Variants in LHFPL2 observed in about 807,000 individuals in gnomAD.
The protein encoded by LHFPL2 is LHFPL tetraspan subfamily member 2, also known as LHFPL tetraspan subfamily member 2 protein.
Under a neutral mutation model 17.5 loss-of-function variants are expected in LHFPL2, and 7 were observed. The ratio of observed to expected loss-of-function variants is 0.40; its 90% CI spans 0.23 to 0.75. LHFPL2 has a LOEUF of 0.75. Ranked by LOEUF, LHFPL2 falls within the 30% of genes least tolerant of loss-of-function variation. The pLI is 0.37. For synonymous variants in LHFPL2, 134 were observed against 116.2 expected (o/e 1.15, Z -0.99); for missense variants, 241 against 294.8 (o/e 0.82, Z 1.34).
intron 2 of LHFPL2, among the ~76,000 whole-genome samples, chr5:78,624,132 A>C (rs1744953302): frequency 6.6e-6 from 1 of 152,232 alleles, no homozygotes; most frequent in Admixed American, 6.5e-5. Context: ...AGAGCCTGCC[A>C]GCTTTAGATC....
intron 3 of LHFPL2, among the ~76,000 whole-genome samples, chr5:78,519,872 C>G (rs142927215): frequency 2.0e-5 from 3 of 152,220 alleles, no homozygotes; most frequent in African/African-American, 7.2e-5. Flanking sequence ...AGGTAATTAG[C>G]CTTTCCTTCA....
intron 3 of LHFPL2, among the ~76,000 whole-genome samples, chr5:78,547,530 T>C (rs1580796532): frequency 6.6e-6 from 1 of 152,208 alleles, no homozygotes; most frequent in African/African-American, 2.4e-5. Flanking sequence ...CCAAGGTCAA[T>C]CCAATCTATC....
At chr5:78,551,185 C>G (rs564393601) in intron 3 of LHFPL2, among the ~76,000 whole-genome samples, 1 of 152,060 alleles carries the variant, frequency 6.6e-6, no homozygotes, top group African/African-American at 2.4e-5. Context: ...TCTAGAGGAA[C>G]GGGGAATTCC....
Position 78,488,617 on chromosome 5 carries a change from C to T in LHFPL2, c.*280G>A, listed in dbSNP as rs1754330378. ...CCTAATGATTTAGATTATTATCCTT[C>T]ATTGAACCTGGGGGAGATGGAGTCT... On this transcript the variant is annotated 3_prime_UTR_variant, in exon 5 of 5. Transcript: ENST00000380345. The T allele has an allele frequency of 2.3e-6, 1 of 426,212 alleles. No individual in the cohort carries two copies. The highest frequency in any genetic ancestry group is 4.3e-6 in the Non-Finnish European group (1 of 230,686). 26.4% of individuals were successfully genotyped at this position (426,212 alleles called of 1,614,324 possible). A position where few individuals can be genotyped will look rare whatever the true frequency, so the allele number is the denominator to read the frequency against.
In LHFPL2 at chr5:78,613,453, T is replaced by G. The variant is rs144692559; in HGVS notation, c.-245+18811A>C. ...AGAGTGCATTATTAACACAAGTCAC[T>G]TTGCATCATTTACACAAGTCACTTA... On this transcript the variant is annotated intron_variant, in intron 2 of 4. Coordinates refer to ENST00000380345, the MANE Select transcript of LHFPL2 (RefSeq NM_005779.3). Among the ~76,000 whole-genome samples, 40 of 152,304 alleles carry G rather than the reference T, an allele frequency of 2.6e-4. No homozygotes were observed. The East Asian group carries it at 7.7e-3, about 29-fold the overall frequency.
chr5:78,486,384 C>CTAT lies in LHFPL2; in HGVS notation c.*2510_*2512dup, dbSNP rs1200976662. On this transcript the variant is annotated 3_prime_UTR_variant, in exon 5 of 5. Coordinates refer to ENST00000380345, the MANE Select transcript of LHFPL2 (RefSeq NM_005779.3). ...GACTTTCCTGGTAGTAATAATGGTC[C>CTAT]TATTTATTAGAAAAATAAGTGTGAG... 6.6e-6 allele frequency: 1 copy of CTAT among 152,096 alleles called. No homozygotes were observed. Among genetic ancestry groups the CTAT allele is most frequent in the African/African-American group, 2.4e-5 (1 of 41,426 alleles). 9.4% of individuals were successfully genotyped at this position (152,096 alleles called of 1,614,324 possible).
At chr5:78,576,700 T>C (rs1360294402) in intron 2 of LHFPL2, among the ~76,000 whole-genome samples, 1 of 152,254 alleles carries the variant, frequency 6.6e-6, no homozygotes, top group Non-Finnish European at 1.5e-5. Flanking sequence ...TTCAATTCTT[T>C]GTCATTCTAG....
At chr5:78,578,439 G>C (rs1053803979) in intron 2 of LHFPL2, among the ~76,000 whole-genome samples, 7 of 152,254 alleles carry the variant, frequency 4.6e-5, no homozygotes, top group Non-Finnish European at 1.0e-4. Context: ...GGGAGTTTTG[G>C]AATTGGGAAA....
At chr5:78,629,161 A>T (rs889724573) in intron 2 of LHFPL2, among the ~76,000 whole-genome samples, 9 of 152,232 alleles carry the variant, frequency 5.9e-5, no homozygotes, top group African/African-American at 1.9e-4. Flanking sequence ...CTTCCTTCTT[A>T]AAAAGGCCCA....
intron 4 of LHFPL2, among the ~76,000 whole-genome samples, chr5:78,501,768 T>A (rs1231927687): frequency 6.6e-6 from 1 of 152,184 alleles, no homozygotes; most frequent in African/African-American, 2.4e-5. Context: ...TAAACCAGGC[T>A]TAACGTCGAC....
At chr5:78,517,177 C>T (rs372922028) in intron 3 of LHFPL2, among the ~76,000 whole-genome samples, 48 of 152,334 alleles carry the variant, frequency 3.2e-4, no homozygotes, top group African/African-American at 1.1e-3. Context: ...TTCTTTTCCC[C>T]TTGAAACTGT....
intron 4 of LHFPL2, among the ~76,000 whole-genome samples, chr5:78,497,355 C>A (rs893066904): frequency 2.4e-4 from 36 of 152,322 alleles, no homozygotes; most frequent in Non-Finnish European, 2.2e-4. Context: ...TCTCACTATT[C>A]CAGCATACCC....
chr5:78,620,253 C>T (rs1255598038), intron 2 of LHFPL2, among the ~76,000 whole-genome samples: 1 of 150,810 alleles, frequency 6.6e-6, no homozygotes, highest in Non-Finnish European at 1.5e-5. Context: ...TCTCTGATGG[C>T]CAGTGATGGT....
chr5:78,641,551 C>T (rs1265165475), intron 1 of LHFPL2, among the ~76,000 whole-genome samples: 1 of 152,072 alleles, frequency 6.6e-6, no homozygotes, highest in Non-Finnish European at 1.5e-5. Context: ...AGTTCACCCC[C>T]AAGTAAATAC....
At chr5:78,583,533 C>T (rs1050031218) in intron 2 of LHFPL2, among the ~76,000 whole-genome samples, 1 of 150,632 alleles carries the variant, frequency 6.6e-6, no homozygotes, top group Non-Finnish European at 1.5e-5. Flanking sequence ...ATTTCTCCTT[C>T]ACTTATGAAG....
At position 78,584,993 on chromosome 5, in the gene LHFPL2, G is replaced by GTTTTTTTTTTT. The variant is rs1561352310; in HGVS notation, c.-244-20123_-244-20122insAAAAAAAAAAA. Among the ~76,000 whole-genome samples, 12 of 84,774 alleles carry GTTTTTTTTTTT rather than the reference G, an allele frequency of 1.4e-4. 2 individuals are homozygous for GTTTTTTTTTTT. Among genetic ancestry groups the GTTTTTTTTTTT allele is most frequent in the African/African-American group, 5.0e-4 (10 of 20,192 alleles). 55.6% of individuals were successfully genotyped at this position (84,774 alleles called of 152,430 possible). On this transcript the variant is annotated intron_variant, in intron 2 of 4. Coordinates refer to ENST00000380345, the MANE Select transcript of LHFPL2 (RefSeq NM_005779.3). ...GCGGGATATAATCTCCTGGTGCGCT[G>GTTTTTTTTTTT]TGTTTTTTTTTTTTTTTTTTTTTTT...
chr5:78,599,919 G>A (rs1743953423), intron 2 of LHFPL2, among the ~76,000 whole-genome samples: 2 of 152,088 alleles, frequency 1.3e-5, no homozygotes, highest in South Asian at 4.1e-4. Context: ...AATTTTTGAA[G>A]TGACGATTCA....
intron 1 of LHFPL2, among the ~76,000 whole-genome samples, chr5:78,647,822 G>A (rs1438520087): frequency 6.6e-6 from 1 of 151,578 alleles, no homozygotes; most frequent in Non-Finnish European, 1.5e-5. Context: ...CTGAATGGAA[G>A]GGAAAAGAAA....
chr5:78,525,779 T>C (rs1264555738), intron 3 of LHFPL2, among the ~76,000 whole-genome samples: 1 of 152,136 alleles, frequency 6.6e-6, no homozygotes, highest in East Asian at 1.9e-4. Flanking sequence ...CATGCTGCGT[T>C]TGGGAATAGG....
Sources: allele counts gnomAD v4.1 joint callset (sites outside exome capture counted in the v4.1 genomes callset), GRCh38; gene constraint gnomAD v4.1.1; transcripts MANE v1.5; gene names NCBI Gene and HGNC (gene_info 2026-07-23, HGNC 2026-07-21).